Variants in TRIB1 observed in about 807,000 individuals in gnomAD.
The protein encoded by TRIB1 is tribbles pseudokinase 1, also known as tribbles homolog 1.
Under a neutral mutation model 27.8 loss-of-function variants are expected in TRIB1, and 12 were observed. The observed-to-expected ratio is 0.43, with a 90% CI of 0.28 to 0.70. TRIB1 has a LOEUF of 0.70. Among genes scored for constraint, TRIB1 ranks in the 30% least tolerant of loss-of-function variants. The pLI is 0.18. For missense variants in TRIB1, 475 were observed against 515.8 expected (o/e 0.92, Z 0.77); for synonymous variants, 230 against 224.9 (o/e 1.02, Z -0.20).
intron 1 of TRIB1, chr8:125,432,331 G>C (rs1294675404): frequency 1.6e-6 from 1 of 616,866 alleles, no homozygotes; most frequent in Non-Finnish European, 2.0e-6. Context: ...GCATGTATGT[G>C]TGTGTGGTGG....
chr8:125,437,393 C>G lies in TRIB1; in HGVS notation c.*922C>G, dbSNP rs1026573834. 3.9e-5 allele frequency: 6 copies of G among 152,458 alleles called. No homozygotes were observed. The highest frequency in any genetic ancestry group is 3.3e-4 in the Admixed American group (5 of 15,286). 9.4% of individuals were successfully genotyped at this position (152,458 alleles called of 1,614,324 possible). On this transcript the variant is annotated 3_prime_UTR_variant, in exon 3 of 3. Coordinates refer to ENST00000311922, the MANE Select transcript of TRIB1 (RefSeq NM_025195.4). Reference sequence around the variant, plus strand: ...TAAGGAGGCTCCCACCCACCTCTCCCAAGAGCAGACATTAAACATCTTTGT... The same window carrying G: ...TAAGGAGGCTCCCACCCACCTCTCCGAAGAGCAGACATTAAACATCTTTGT...
At chr8:125,434,520 C>A (rs1202815736) in intron 2 of TRIB1, among the ~76,000 whole-genome samples, 1 of 152,172 alleles carries the variant, frequency 6.6e-6, no homozygotes, top group Admixed American at 6.5e-5. Flanking sequence ...TATCTGACCT[C>A]GCAATAATTA....
chr8:125,435,804 C>G (rs1814737957), intron 2 of TRIB1, among the ~76,000 whole-genome samples: 1 of 152,244 alleles, frequency 6.6e-6, no homozygotes, highest in Non-Finnish European at 1.5e-5. Flanking sequence ...TCTGCCGATA[C>G]TTTGCAAACA....
intron 1 of TRIB1, among the ~76,000 whole-genome samples, chr8:125,432,574 A>G (rs1310746419): frequency 6.6e-6 from 1 of 152,148 alleles, no homozygotes; most frequent in Non-Finnish European, 1.5e-5. Flanking sequence ...GAGACCAGCC[A>G]GCTTCCTAGA....
At chr8:125,435,382 T>C (rs2129816105) in intron 2 of TRIB1, among the ~76,000 whole-genome samples, 1 of 152,304 alleles carries the variant, frequency 6.6e-6, no homozygotes, top group East Asian at 1.9e-4. Context: ...AACACCCCAA[T>C]AAATGTAATT....
Position 125,436,318 on chromosome 8 carries a change from G to A in TRIB1, c.966G>A (p.Glu322=). 6.2e-7 allele frequency: 1 copy of A among 1,613,836 alleles called. No homozygotes were observed. Among genetic ancestry groups the A allele is most frequent in the Non-Finnish European group, 8.5e-7 (1 of 1,179,978 alleles). The change falls in exon 3 of 3, where the codon GAG becomes GAA. Residue 322 remains glutamate, a synonymous_variant. Transcript: ENST00000311922. ...TCATTCGCAGCCTCTTGAGACGGGA[G>A]CCCTCCGAGAGACTCACTGCCCCCG... ...RCLIRSLLRR[E]PSERLTAPEI...
chr8:125,433,248 T>C lies in TRIB1; in HGVS notation c.361-69T>C. 8 of 1,505,434 alleles carry C rather than the reference T, an allele frequency of 5.3e-6. No homozygotes were observed. The highest frequency in any genetic ancestry group is 7.3e-6 in the Non-Finnish European group (8 of 1,103,134). The allele number at this position is 1,505,434 out of a possible 1,614,324, so 93.3% of individuals were successfully genotyped here. A position where few individuals can be genotyped will look rare whatever the true frequency, so the allele number is the denominator to read the frequency against. On this transcript the variant is annotated intron_variant, in intron 1 of 2. Transcript: ENST00000311922. This position sits in a 1 kb window ranked among gnomAD's most constrained non-coding sequence, Gnocchi z 4.4. ...CACAGGTTGAGAACTTCTGTTCAGC[T>C]CCCTCAGGGGTTTGGGAGGCTGCCT...
In TRIB1 at chr8:125,433,641, T is replaced by G; in HGVS notation, c.653+32T>G. ...GGCCGCCACAGCTTCTCCTGTGGCC[T>G]TTTGGAACCAAAGCGGAGGTGCAGG... On this transcript the variant is annotated intron_variant, in intron 2 of 2. Coordinates refer to ENST00000311922, the MANE Select transcript of TRIB1 (RefSeq NM_025195.4). The surrounding 1 kb of genome is among the most constrained non-coding windows in gnomAD (Gnocchi z 4.4). 6.3e-7 allele frequency: 1 copy of G among 1,590,810 alleles called. No homozygotes were observed. The highest frequency in any genetic ancestry group is 2.3e-5 in the East Asian group (1 of 44,334).
Position 125,433,729 on chromosome 8 carries a change from T to C in TRIB1, c.653+120T>C, listed in dbSNP as rs1172281255. The C allele has an allele frequency of 1.9e-5, 24 of 1,243,980 alleles. No homozygotes were observed. Among genetic ancestry groups the C allele is most frequent in the Non-Finnish European group, 2.6e-5 (24 of 910,630 alleles). The allele number at this position is 1,243,980 out of a possible 1,614,324, so 77.1% of individuals were successfully genotyped here. ...GTCAAGGGCTCATATGTCCCAGATT[T>C]AGTATTTAGAGCTTCTGTTCCTGAG... On this transcript the variant is annotated intron_variant, in intron 2 of 2. Coordinates refer to ENST00000311922, the MANE Select transcript of TRIB1 (RefSeq NM_025195.4). This position sits in a 1 kb window ranked among gnomAD's most constrained non-coding sequence, Gnocchi z 4.4.
Position 125,436,748 on chromosome 8 carries a change from G to T in TRIB1, c.*277G>T. 1.9e-6 allele frequency: 1 copy of T among 518,292 alleles called. No homozygotes were observed. Among genetic ancestry groups the T allele is most frequent in the Non-Finnish European group, 3.5e-6 (1 of 288,938 alleles). The allele number at this position is 518,292 out of a possible 1,614,324, so 32.1% of individuals were successfully genotyped here. On this transcript the variant is annotated 3_prime_UTR_variant, in exon 3 of 3. Coordinates refer to ENST00000311922, the MANE Select transcript of TRIB1 (RefSeq NM_025195.4). ...GGGAGTTCCGCATCTTTTGTGGAGG[G>T]CAGAGTATGGACATCTTACACCCGG...
intron 1 of TRIB1, among the ~76,000 whole-genome samples, chr8:125,431,604 C>T (rs941033207): frequency 1.3e-5 from 2 of 152,150 alleles, no homozygotes; most frequent in Admixed American, 1.3e-4. Flanking sequence ...TCCTCGCTCT[C>T]CACCCCCCCT....
intron 1 of TRIB1, chr8:125,432,162 T>C: frequency 1.2e-6 from 1 of 811,072 alleles, no homozygotes. Flanking sequence ...GCAACTCACC[T>C]GACACTCCCA....
chr8:125,437,217 T>C lies in TRIB1; in HGVS notation c.*746T>C, dbSNP rs1053628150. 3 of 152,418 alleles carry C rather than the reference T, an allele frequency of 2.0e-5. No homozygotes were observed. Among genetic ancestry groups the C allele is most frequent in the African/African-American group, 7.2e-5 (3 of 41,460 alleles). The allele number at this position is 152,418 out of a possible 1,614,324, so 9.4% of individuals were successfully genotyped here. On this transcript the variant is annotated 3_prime_UTR_variant, in exon 3 of 3. Transcript: ENST00000311922. The stretch of plus-strand genomic sequence containing the variant: ...CCATCTCCCAACGATTTCAGAACTC[T>C]GAGCTCAGAGAGACTCCAGATTTTA...
chr8:125,430,990 C>T lies in TRIB1; in HGVS notation c.88C>T (p.Pro30Ser). The T allele has an allele frequency of 6.8e-7, 1 of 1,467,396 alleles. No individual in the cohort carries two copies. The highest frequency in any genetic ancestry group is 8.9e-7 in the Non-Finnish European group (1 of 1,118,328). The allele number at this position is 1,467,396 out of a possible 1,614,324, so 90.9% of individuals were successfully genotyped here. A position where few individuals can be genotyped will look rare whatever the true frequency, so the allele number is the denominator to read the frequency against. ...ALLFPATRGVPAKRLLDADDA... is the reference protein window; with the variant it reads ...ALLFPATRGVSAKRLLDADDA... The stretch of plus-strand genomic sequence containing the variant: ...GCTCTTCCCAGCCACCCGAGGCGTC[C>T]CGGCCAAACGCCTGCTGGACGCCGA... The change falls in exon 1 of 3, where the codon CCG becomes TCG. Residue 30 changes from proline to serine, a missense_variant. Transcript: ENST00000311922.
chr8:125,436,684 T>G lies in TRIB1; in HGVS notation c.*213T>G, dbSNP rs969410055. The G allele has an allele frequency of 8.3e-6, 5 of 601,302 alleles. No homozygotes were observed. Among genetic ancestry groups the G allele is most frequent in the Non-Finnish European group, 1.5e-5 (5 of 343,162 alleles). 37.2% of individuals were successfully genotyped at this position (601,302 alleles called of 1,614,324 possible). A position where few individuals can be genotyped will look rare whatever the true frequency, so the allele number is the denominator to read the frequency against. ...TGATTGGCTGCCCTGCAAATTTGTT[T>G]CCCTTAAGGAACCCTCACCAACTAT... On this transcript the variant is annotated 3_prime_UTR_variant, in exon 3 of 3. Coordinates refer to ENST00000311922, the MANE Select transcript of TRIB1 (RefSeq NM_025195.4).
intron 1 of TRIB1, among the ~76,000 whole-genome samples, chr8:125,431,505 C>G (rs77298720): frequency 6.6e-6 from 1 of 152,238 alleles, no homozygotes; most frequent in Non-Finnish European, 1.5e-5. Flanking sequence ...CTGTTCCTTT[C>G]CTCAGCGCCC....
intron 1 of TRIB1, chr8:125,432,262 G>A (rs1259922158): frequency 7.3e-6 from 7 of 963,894 alleles, no homozygotes; most frequent in Non-Finnish European, 8.5e-6. Context: ...CAGTTTAATA[G>A]GGAGGAAAAA....
chr8:125,436,547 G>A lies in TRIB1; in HGVS notation c.*76G>A, dbSNP rs2235108. ...TCTAAAGATGGACAGGCCCTTTGGCGTGGTACCAACCAGATAATGACTGCA... is the reference window on the plus strand; with the variant it reads ...TCTAAAGATGGACAGGCCCTTTGGCATGGTACCAACCAGATAATGACTGCA... On this transcript the variant is annotated 3_prime_UTR_variant, in exon 3 of 3. Transcript: ENST00000311922. 0.28 allele frequency: 406,202 copies of A among 1,434,006 alleles called. 59,378 individuals are homozygous for A. Among genetic ancestry groups the A allele is most frequent in the South Asian group, 0.33 (26,499 of 79,690 alleles). 88.8% of individuals were successfully genotyped at this position (1,434,006 alleles called of 1,614,324 possible). A position where few individuals can be genotyped will look rare whatever the true frequency, so the allele number is the denominator to read the frequency against.
Position 125,433,799 on chromosome 8 carries a change from G to T in TRIB1, c.653+190G>T, listed in dbSNP as rs1334413450. ...TTTATTCTGCATTCTCTTGGACGGG[G>T]CCTGGGGACACCGTGGCGCTTCTAT... On this transcript the variant is annotated intron_variant, in intron 2 of 2. Coordinates refer to ENST00000311922, the MANE Select transcript of TRIB1 (RefSeq NM_025195.4). The surrounding 1 kb of genome is among the most constrained non-coding windows in gnomAD (Gnocchi z 4.4). 3 of 641,914 alleles carry T rather than the reference G, an allele frequency of 4.7e-6. No individual in the cohort carries two copies. Among genetic ancestry groups the T allele is most frequent in the South Asian group, 2.1e-5 (1 of 46,918 alleles). 39.8% of individuals were successfully genotyped at this position (641,914 alleles called of 1,614,324 possible).
Sources: gnomAD v4.1 joint callset for allele counts (sites outside exome capture counted in the v4.1 genomes callset) on GRCh38, gnomAD v4.1.1 for gene constraint, Gnocchi (gnomAD v3.1) non-coding constraint, MANE v1.5 for transcripts, NCBI Gene and HGNC (gene_info 2026-07-23, HGNC 2026-07-21) for gene names.